The following PMS1 variants were observed in gnomAD, a reference collection of about 807,000 sequenced individuals.
PMS1 encodes the protein PMS1 protein homolog 1.
PMS1 carries 79 observed loss-of-function variants against 93.1 expected under a neutral mutation model. The observed-to-expected ratio is 0.85, with a 90% CI of 0.71 to 1.02. The LOEUF is 1.02. Among genes scored for constraint, PMS1 ranks in the 50% least tolerant of loss-of-function variants. PMS1 has a pLI of 0.00. For missense variants in PMS1, 1,064 were observed against 1,085.3 expected (o/e 0.98, Z 0.28); for synonymous variants, 335 against 363.4 (o/e 0.92, Z 0.89).
intron 6 of PMS1, among the ~76,000 whole-genome samples, chr2:189,849,370 C>T (rs2106436093): frequency 6.6e-6 from 1 of 152,236 alleles, no homozygotes; most frequent in East Asian, 1.9e-4. Flanking sequence ...CTAGGATTTA[C>T]AATTTATTTG....
chr2:189,854,567 C>CT lies in PMS1; in HGVS notation c.1296dup (p.Lys433Ter). ...GAAATTTCTAACATTGATAAAAACA[C>CT]TAAGAATGCATTTCAGGACATTTCA... is the stretch of plus-strand genomic sequence containing the variant. On this transcript the variant is annotated frameshift_variant, in exon 9 of 13. Coordinates refer to ENST00000441310, the MANE Select transcript of PMS1 (RefSeq NM_000534.5). LOFTEE classifies it high-confidence loss of function. 1 of 1,613,274 alleles carries CT rather than the reference C, an allele frequency of 6.2e-7. No homozygotes were observed. The highest frequency in any genetic ancestry group is 8.5e-7 in the Non-Finnish European group (1 of 1,179,378).
chr2:189,861,677 G>A (rs1333864709), intron 9 of PMS1, among the ~76,000 whole-genome samples: 1 of 151,348 alleles, frequency 6.6e-6, no homozygotes, highest in Admixed American at 6.6e-5. Flanking sequence ...TAGAACCTGG[G>A]AGGCAGAGGT....
At chr2:189,821,392 G>A (rs1257828802) in intron 5 of PMS1, among the ~76,000 whole-genome samples, 1 of 151,472 alleles carries the variant, frequency 6.6e-6, no homozygotes, top group Non-Finnish European at 1.5e-5. Context: ...GAAGCAGGGA[G>A]GTTGCCGTGA....
chr2:189,871,442 C>T (rs370532292), intron 11 of PMS1, among the ~76,000 whole-genome samples: 2 of 152,310 alleles, frequency 1.3e-5, no homozygotes, highest in Admixed American at 6.5e-5. Context: ...GCTTGCCCTG[C>T]GGCATGGATA....
chr2:189,831,763 T>C (rs1213544650), intron 5 of PMS1, among the ~76,000 whole-genome samples: 1 of 152,150 alleles, frequency 6.6e-6, no homozygotes, highest in Non-Finnish European at 1.5e-5. Context: ...CTAGGCTGGA[T>C]AGTATTTATT....
chr2:189,812,840 G>T (rs779249797), intron 4 of PMS1, among the ~76,000 whole-genome samples: 3 of 152,188 alleles, frequency 2.0e-5, no homozygotes, highest in Non-Finnish European at 4.4e-5. Context: ...AAGGATTTTG[G>T]AGTAGTAGAA....
rs1341812374 is a variant in PMS1 at position 189,843,898 on chromosome 2, A to G, written c.583-66A>G. 1.4e-5 allele frequency: 19 copies of G among 1,384,132 alleles called. No homozygotes were observed. In the East Asian group the frequency reaches 4.2e-4, roughly 30 times the overall value. 85.7% of individuals were successfully genotyped at this position (1,384,132 alleles called of 1,614,324 possible). A position where few individuals can be genotyped will look rare whatever the true frequency, so the allele number is the denominator to read the frequency against. ...TGAATGCAAAATATAGGAATAAAAT[A>G]CTGACTTCTTGAGTTTAGTAAATCT... On this transcript the variant is annotated intron_variant, in intron 5 of 12. Coordinates refer to ENST00000441310, the MANE Select transcript of PMS1 (RefSeq NM_000534.5).
At chr2:189,824,897 A>T (rs1198178112) in intron 5 of PMS1, among the ~76,000 whole-genome samples, 1 of 152,130 alleles carries the variant, frequency 6.6e-6, no homozygotes, top group Admixed American at 6.5e-5. Context: ...ATCTCTTTGA[A>T]CATTGAGTCC....
intron 6 of PMS1, among the ~76,000 whole-genome samples, chr2:189,844,371 T>TG (rs2054068168): frequency 6.6e-6 from 1 of 152,128 alleles, no homozygotes; most frequent in African/African-American, 2.4e-5. Context: ...TGGCTGGGCA[T>TG]GGTGACTCAT....
At position 189,855,011 on chromosome 2, in the gene PMS1, T is replaced by C; in HGVS notation, c.1739T>C (p.Leu580Pro). The C allele has an allele frequency of 1.2e-6, 2 of 1,613,488 alleles. No individual in the cohort carries two copies. Among genetic ancestry groups the C allele is most frequent in the Non-Finnish European group, 8.5e-7 (1 of 1,179,498 alleles). ...VIKKPMSASA[L>P]FVQDHRPQFL... is the part of the protein sequence containing the mutation. ...AAGAAACCCATGTCAGCAAGTGCTC[T>C]TTTTGTTCAAGATCATCGTCCTCAG... The change falls in exon 9 of 13, where the codon CTT (leucine) becomes CCT (proline). Residue 580 changes from leucine to proline, a missense_variant. Physicochemically the swap from Leu to Pro is moderately conservative, Grantham distance 98. Transcript: ENST00000441310.
intron 3 of PMS1, among the ~76,000 whole-genome samples, chr2:189,804,343 C>G (rs1212452146): frequency 1.3e-5 from 2 of 152,164 alleles, no homozygotes; most frequent in African/African-American, 4.8e-5. Flanking sequence ...AAATCTCTAG[C>G]ACTTTCTGTC....
At chr2:189,855,946 T>C in intron 9 of PMS1, 2 of 670,292 alleles carry the variant, frequency 3.0e-6, no homozygotes, top group South Asian at 4.1e-5. Flanking sequence ...TTATGTCAAA[T>C]GTGTGGAAAA....
rs750392986 is a variant in PMS1 at position 189,852,628 on chromosome 2, A to G, written c.700-27A>G. The G allele has an allele frequency of 4.4e-6, 7 of 1,596,724 alleles. No homozygotes were observed. The South Asian group carries it at 6.6e-5, about 15-fold the overall frequency. On this transcript the variant is annotated intron_variant, in intron 6 of 12. Coordinates refer to ENST00000441310, the MANE Select transcript of PMS1 (RefSeq NM_000534.5). ...AGACCCGTGGAACTACATTGTTGAC[A>G]TTGCATATTCTGTAATTATTATATA...
In PMS1 at chr2:189,877,573, A is replaced by G; in HGVS notation, c.*137A>G. On this transcript the variant is annotated 3_prime_UTR_variant, in exon 13 of 13. Coordinates refer to ENST00000441310, the MANE Select transcript of PMS1 (RefSeq NM_000534.5). ...TGAGGATTCACTGACTTGTTTTTAT[A>G]TTGAAAAAAGTTCCACGTATTGTAG... is the stretch of plus-strand genomic sequence containing the variant. The G allele has an allele frequency of 1.6e-6, 1 of 644,354 alleles. No homozygotes were observed. The highest frequency in any genetic ancestry group is 2.7e-6 in the Non-Finnish European group (1 of 373,322). The allele number at this position is 644,354 out of a possible 1,614,324, so 39.9% of individuals were successfully genotyped here. A position where few individuals can be genotyped will look rare whatever the true frequency, so the allele number is the denominator to read the frequency against.
At chr2:189,844,866 CT>C (rs961405966) in intron 6 of PMS1, among the ~76,000 whole-genome samples, 7 of 149,446 alleles carry the variant, frequency 4.7e-5, no homozygotes, top group African/African-American at 1.2e-4. Context: ...TTTCTTCTTT[CT>C]TTTTTTTTGA....
chr2:189,877,396 C>T lies in PMS1; in HGVS notation c.2759C>T (p.Pro920Leu), dbSNP rs1575425096. 6.2e-7 allele frequency: 1 copy of T among 1,612,768 alleles called. No individual in the cohort carries two copies. Among genetic ancestry groups the T allele is most frequent in the Non-Finnish European group, 8.5e-7 (1 of 1,178,998 alleles). The change falls in exon 13 of 13, where the codon CCA becomes CTA. Residue 920 changes from proline to leucine, a missense_variant. Pro to Leu is a moderately conservative substitution (Grantham distance 98). Coordinates refer to ENST00000441310, the MANE Select transcript of PMS1 (RefSeq NM_000534.5). ...ATTAAAGAGTGTGTTCATGGTCGCC[C>T]ATTTTTTCATCATTTAACCTATCTT... is the stretch of plus-strand genomic sequence containing the variant. Reference protein sequence around the residue: ...NEIKECVHGRPFFHHLTYLPE... With the variant: ...NEIKECVHGRLFFHHLTYLPE...
intron 1 of PMS1, among the ~76,000 whole-genome samples, chr2:189,791,484 C>T (rs1432126615): frequency 6.6e-6 from 1 of 151,856 alleles, no homozygotes; most frequent in Non-Finnish European, 1.5e-5. Context: ...GCCAGGTGTC[C>T]TGGTGGGCAC....
chr2:189,795,661 T>A, intron 2 of PMS1, 108 bp from the exon 3 acceptor site: 1 of 889,638 alleles, frequency 1.1e-6, no homozygotes, highest in Non-Finnish European at 1.8e-6. Context: ...AATGCTATGC[T>A]TCCATAAAAG....
At chr2:189,851,974 TCTC>T (rs2054784184) in intron 6 of PMS1, among the ~76,000 whole-genome samples, 1 of 152,184 alleles carries the variant, frequency 6.6e-6, no homozygotes, top group Admixed American at 6.5e-5. Context: ...ATCTTTCTCT[TCTC>T]TCTGGTATTC....
Sources: allele counts gnomAD v4.1 joint callset (sites outside exome capture counted in the v4.1 genomes callset), GRCh38; gene constraint gnomAD v4.1.1; transcripts MANE v1.5; gene names NCBI Gene and HGNC (gene_info 2026-07-23, HGNC 2026-07-21).